The following YAF2 variants were observed in gnomAD, a reference collection of about 807,000 sequenced individuals.
The protein encoded by YAF2 is YY1-associated factor 2.
A neutral mutation model predicts 20.1 loss-of-function variants in YAF2; 7 were observed. The observed-to-expected ratio is 0.35, with a 90% CI of 0.20 to 0.65. YAF2 has a LOEUF of 0.65. Ranked by LOEUF, YAF2 falls within the 30% of genes least tolerant of loss-of-function variation. The pLI is 0.69. For missense variants in YAF2, 151 were observed against 219.2 expected (o/e 0.69, Z 1.96); for synonymous variants, 74 against 76.0 (o/e 0.97, Z 0.14).
chr12:42,165,061 CAA>C (rs78729667), intron 2 of YAF2, among the ~76,000 whole-genome samples: 12 of 64,758 alleles, frequency 1.9e-4, no homozygotes, highest in Admixed American at 3.7e-4. Flanking sequence ...TCTTCTGGAA[CAA>C]AAAAAAAAAA....
At chr12:42,228,524 G>T (rs1290250922) in intron 2 of YAF2, among the ~76,000 whole-genome samples, 1 of 58,228 alleles carries the variant, frequency 1.7e-5, no homozygotes, top group Admixed American at 1.3e-4. Context: ...CGTCCGGGAG[G>T]TGAGGGGTGC....
At chr12:42,176,211 CA>C (rs61068649) in intron 2 of YAF2, among the ~76,000 whole-genome samples, 7,578 of 89,186 alleles carry the variant, frequency 0.085, 389 homozygotes, top group African/African-American at 0.21. Context: ...GACTCTGTCT[CA>C]AAAAAAAAAA....
chr12:42,161,482 C>T, intron 3 of YAF2, 131 bp downstream of exon 3: 1 of 1,034,300 alleles, frequency 9.7e-7, no homozygotes, highest in Non-Finnish European at 1.3e-6. Context: ...TCAGTAAAAC[C>T]TTTCCTGATA....
intron 2 of YAF2, chr12:42,233,207 C>T (rs545020340): frequency 3.0e-6 from 3 of 985,244 alleles, no homozygotes; most frequent in Non-Finnish European, 3.6e-6. Flanking sequence ...TTTTTTATAG[C>T]TCTCTAAAAT....
intron 2 of YAF2, among the ~76,000 whole-genome samples, chr12:42,174,388 C>A (rs1257710531): frequency 6.6e-6 from 1 of 152,146 alleles, no homozygotes; most frequent in African/African-American, 2.4e-5. Context: ...AAACTTTTTT[C>A]ACTCAGCCTC....
chr12:42,204,721 G>A (rs1223231037), intron 2 of YAF2, among the ~76,000 whole-genome samples: 2 of 152,146 alleles, frequency 1.3e-5, no homozygotes, highest in Non-Finnish European at 2.9e-5. Flanking sequence ...ATACGATGAT[G>A]TATTATTATT....
intron 2 of YAF2, chr12:42,232,735 G>A (rs1305329015): frequency 8.1e-6 from 8 of 985,230 alleles, no homozygotes; most frequent in African/African-American, 1.7e-5. Flanking sequence ...AGAAAACAAC[G>A]ATGCTGAAAA....
chr12:42,214,734 T>C (rs2067305699), intron 2 of YAF2, among the ~76,000 whole-genome samples: 2 of 151,850 alleles, frequency 1.3e-5, no homozygotes, highest in Admixed American at 6.6e-5. Context: ...CCAGGCACAG[T>C]GGCTCACTCC....
chr12:42,225,171 G>A (rs2067652116), intron 2 of YAF2, among the ~76,000 whole-genome samples: 1 of 152,158 alleles, frequency 6.6e-6, no homozygotes, highest in African/African-American at 2.4e-5. Context: ...GTCTTCTTTT[G>A]AGAAGTGTCT....
intron 2 of YAF2, among the ~76,000 whole-genome samples, chr12:42,227,184 G>C (rs1206900757): frequency 6.9e-6 from 1 of 144,472 alleles, no homozygotes; most frequent in African/African-American, 2.6e-5. Context: ...CGGGCCCCAC[G>C]GGGCCCGAGG....
intron 2 of YAF2, chr12:42,232,939 A>G (rs2068026344): frequency 1.0e-6 from 1 of 985,332 alleles, no homozygotes; most frequent in South Asian, 4.7e-5. Flanking sequence ...AAGATCTACT[A>G]ACACTAAACC....
At chr12:42,186,618 G>A (rs937907163) in intron 2 of YAF2, among the ~76,000 whole-genome samples, 1 of 151,792 alleles carries the variant, frequency 6.6e-6, no homozygotes, top group Non-Finnish European at 1.5e-5. Flanking sequence ...TGGAGGTTGC[G>A]GTGAGCTGAG....
At chr12:42,232,287 C>A (rs1442141998) in intron 2 of YAF2, 1 of 447,472 alleles carries the variant, frequency 2.2e-6, no homozygotes, top group East Asian at 1.6e-4. Context: ...TGCCTCTGCA[C>A]CATCACAGTG....
chr12:42,180,880 G>A lies in YAF2; in HGVS notation c.153-19115C>T, dbSNP rs555182407. Among the ~76,000 whole-genome samples the A allele has an allele frequency of 1.6e-4, 24 of 152,202 alleles. 1 individual carries two copies. Among genetic ancestry groups the A allele is most frequent in the African/African-American group, 5.3e-4 (22 of 41,542 alleles). On this transcript the variant is annotated intron_variant, in intron 2 of 3. Transcript: ENST00000534854. ...TGAGAATCGCTTGAATCCAAGAGAC[G>A]GAGGTTGCAGTAAGCTGAGATTGTG... is the stretch of plus-strand genomic sequence containing the variant.
intron 2 of YAF2, chr12:42,231,720 T>C (rs1289564266): frequency 1.3e-5 from 2 of 152,198 alleles, no homozygotes; most frequent in Admixed American, 6.5e-5. Context: ...TATCAGAAAT[T>C]ATATTCATTG....
chr12:42,199,103 A>T (rs1188383453), intron 2 of YAF2: 1 of 1,181,374 alleles, frequency 8.5e-7, no homozygotes, highest in African/African-American at 1.6e-5. Flanking sequence ...CTTCAACAAG[A>T]TGATTTTAAG....
chr12:42,196,303 C>T (rs1158096605), intron 2 of YAF2, among the ~76,000 whole-genome samples: 1 of 150,298 alleles, frequency 6.7e-6, no homozygotes. Flanking sequence ...TGTGTAAAGG[C>T]CAGAAAGAAC....
chr12:42,185,435 T>C (rs1199569628), intron 2 of YAF2, among the ~76,000 whole-genome samples: 1 of 152,256 alleles, frequency 6.6e-6, no homozygotes, highest in Non-Finnish European at 1.5e-5. Flanking sequence ...TTGAGAGGAC[T>C]GGCTTAAATT....
intron 2 of YAF2, among the ~76,000 whole-genome samples, chr12:42,201,491 T>C (rs1041001990): frequency 2.0e-5 from 3 of 152,222 alleles, no homozygotes; most frequent in African/African-American, 7.2e-5. Flanking sequence ...CTTTATATAG[T>C]CTGGACACAA....
Sources: gnomAD v4.1 joint callset for allele counts (sites outside exome capture counted in the v4.1 genomes callset) on GRCh38, gnomAD v4.1.1 for gene constraint, MANE v1.5 for transcripts, NCBI Gene and HGNC (gene_info 2026-07-23, HGNC 2026-07-21) for gene names.